Variants in MICAL2 observed in about 807,000 individuals in gnomAD.
MICAL2 encodes the protein [F-actin]-monooxygenase MICAL2.
A neutral mutation model predicts 127.3 loss-of-function variants in MICAL2; 77 were observed. That is an observed-to-expected ratio of 0.60 (90% confidence interval 0.50 to 0.73). MICAL2 has a LOEUF of 0.73. Among genes scored for constraint, MICAL2 ranks in the 30% least tolerant of loss-of-function variants. The probability of loss-of-function intolerance (pLI) is 0.00; values close to 1 mark genes in which losing one functional copy is unlikely to be tolerated. For missense variants in MICAL2, 1,351 were observed against 1,434.4 expected (o/e 0.94, Z 0.94); for synonymous variants, 570 against 551.1 (o/e 1.03, Z -0.48).
intron 3 of MICAL2, among the ~76,000 whole-genome samples, chr11:12,173,341 T>C (rs1159545564): frequency 6.6e-6 from 1 of 152,184 alleles, no homozygotes; most frequent in East Asian, 1.9e-4. Context: ...GAGGAATATA[T>C]AGGGGGAGAT....
At chr11:12,294,167 GC>G (rs1863942566), downstream of MICAL2, 1 of 1,613,914 alleles carries the variant, frequency 6.2e-7, no homozygotes, top group Non-Finnish European at 8.5e-7. Context: ...CCAGAGAGGG[GC>G]CCAGGAGAAG....
chr11:12,162,550 C>G (rs973912815), intron 3 of MICAL2, 131 bp downstream of exon 3: 1 of 1,177,278 alleles, frequency 8.5e-7, no homozygotes. Context: ...TGTTTTCCTC[C>G]GGTAAAGGTT....
intron 1 of MICAL2, among the ~76,000 whole-genome samples, chr11:12,111,375 AG>A (rs1274990755): frequency 6.6e-6 from 1 of 152,148 alleles, no homozygotes; most frequent in Non-Finnish European, 1.5e-5. Flanking sequence ...GCACCCCCGC[AG>A]GGTGTCCGCG....
chr11:12,140,465 A>G (rs1852239529), intron 2 of MICAL2, among the ~76,000 whole-genome samples: 1 of 151,602 alleles, frequency 6.6e-6, no homozygotes. Context: ...AGAGGAGCTC[A>G]ATAAACACTT....
downstream of MICAL2, among the ~76,000 whole-genome samples, chr11:12,267,109 C>T (rs112712672): frequency 0.029 from 4,400 of 152,290 alleles, 84 homozygotes; most frequent in Non-Finnish European, 0.046. Context: ...GCAACAGCCA[C>T]CTCCCTTCGG....
intron 34 of MICAL2, chr11:12,358,189 A>T: frequency 8.9e-7 from 1 of 1,128,050 alleles, no homozygotes; most frequent in Non-Finnish European, 1.3e-6. Context: ...TTTCTCCATT[A>T]AAATTAAAGG....
At chr11:12,289,519 GC>G (rs1863868453), downstream of MICAL2, among the ~76,000 whole-genome samples, 1 of 149,756 alleles carries the variant, frequency 6.7e-6, no homozygotes, top group Admixed American at 6.6e-5. Flanking sequence ...CTGACAACTA[GC>G]TTTTACTTTG....
At chr11:12,260,317 T>A (rs1862930349) in intron 26 of MICAL2, 1 of 1,422,604 alleles carries the variant, frequency 7.0e-7, no homozygotes, top group African/African-American at 1.4e-5. Context: ...ATGGGCCACC[T>A]CCGCCTGGCC....
intron 2 of MICAL2, among the ~76,000 whole-genome samples, chr11:12,139,582 C>T (rs371567665): frequency 3.7e-4 from 57 of 152,224 alleles, no homozygotes; most frequent in African/African-American, 1.2e-3. Flanking sequence ...GAGGAGTCCA[C>T]GGGAGTCCTG....
At chr11:12,158,671 C>A (rs369071178) in intron 2 of MICAL2, among the ~76,000 whole-genome samples, 1 of 152,264 alleles carries the variant, frequency 6.6e-6, no homozygotes, top group South Asian at 2.1e-4. Flanking sequence ...AAGTTATATG[C>A]AAACATGGCA....
rs758276297 is a variant in MICAL2, at chr11:12,208,099, C to T, written c.549C>T (p.Phe183=). Reference sequence around the variant, plus strand: ...TTGAAATCCATGTGAATGTGGAGTTCGTGAAGGTTCTAGAGCCTCCTGAAG... The same window carrying T: ...TTGAAATCCATGTGAATGTGGAGTTTGTGAAGGTTCTAGAGCCTCCTGAAG... ...LGVEIHVNVE[F]VKVLEPPEDQ... The change falls in exon 5 of 28, where the codon TTC becomes TTT. Residue 183 remains phenylalanine (F), a synonymous_variant. Transcript: ENST00000683283. 2.8e-5 allele frequency: 46 copies of T among 1,614,070 alleles called. No homozygotes were observed. In the East Asian group the frequency reaches 3.1e-4, roughly 11 times the overall value.
intron 25 of MICAL2, 46 bp downstream of exon 25, chr11:12,258,602 A>G (rs1862653731): frequency 1.3e-6 from 2 of 1,558,298 alleles, no homozygotes; most frequent in Non-Finnish European, 1.8e-6. Flanking sequence ...AGGCCCCTTG[A>G]TAAGGGTTTC....
chr11:12,253,361 T>A (rs1292520368), intron 22 of MICAL2: 2 of 152,260 alleles, frequency 1.3e-5, no homozygotes, highest in East Asian at 3.9e-4. Flanking sequence ...GCAGTCCCCA[T>A]CCTGTCCTAC....
intron 2 of MICAL2, among the ~76,000 whole-genome samples, chr11:12,286,174 C>T (rs1358117396): frequency 2.0e-5 from 3 of 152,162 alleles, no homozygotes; most frequent in Admixed American, 6.5e-5. Flanking sequence ...TACAGTGTCC[C>T]GCAAATATGT....
In MICAL2 at chr11:12,209,585, G is replaced by A. The variant is rs141301461; in HGVS notation, c.678G>A (p.Arg226=). The A allele has an allele frequency of 6.2e-7, 1 of 1,613,596 alleles. No individual in the cohort carries two copies. Among genetic ancestry groups the A allele is most frequent in the East Asian group, 2.2e-5 (1 of 44,884 alleles). The stretch of plus-strand genomic sequence containing the variant: ...TCATCATTGGTGCCGATGGCCGCAG[G>A]AACACCCTGGAAGGTGAAGACTCTT... ...FDVIIGADGR[R]NTLEGFRRKE... is the part of the protein sequence containing the mutation. Residue 226 remains arginine, a synonymous_variant, in exon 6 of 28, where the codon AGG becomes AGA. Transcript: ENST00000683283.
At chr11:12,320,813 G>A (rs1290909601) in intron 30 of MICAL2, among the ~76,000 whole-genome samples, 1 of 152,050 alleles carries the variant, frequency 6.6e-6, no homozygotes, top group Non-Finnish European at 1.5e-5. Context: ...GAGGGGAGGA[G>A]AGAGGAAGAA....
At chr11:12,277,797 G>T (rs1009269491) in intron 1 of MICAL2, among the ~76,000 whole-genome samples, 1 of 152,218 alleles carries the variant, frequency 6.6e-6, no homozygotes, top group Non-Finnish European at 1.5e-5. Flanking sequence ...CTGTCATTGT[G>T]TGAACATGAT....
At chr11:12,341,588 A>C (rs1434481306) in intron 32 of MICAL2, among the ~76,000 whole-genome samples, 1 of 152,152 alleles carries the variant, frequency 6.6e-6, no homozygotes, top group African/African-American at 2.4e-5. Flanking sequence ...GCACTTTGGG[A>C]GGCCAAGACA....
At chr11:12,311,056 G>C (rs527300734) in intron 29 of MICAL2, among the ~76,000 whole-genome samples, 2 of 152,134 alleles carry the variant, frequency 1.3e-5, no homozygotes, top group East Asian at 3.9e-4. Context: ...AATTTACTAA[G>C]TTTATCAGTT....
Sources: gnomAD v4.1 joint callset for allele counts (sites outside exome capture counted in the v4.1 genomes callset) on GRCh38, gnomAD v4.1.1 for gene constraint, MANE v1.5 for transcripts, NCBI Gene and HGNC (gene_info 2026-07-23, HGNC 2026-07-21) for gene names.